PIK3R5: variants seen among roughly 807,000 people sequenced by gnomAD.
PIK3R5 encodes the protein phosphoinositide-3-kinase regulatory subunit 5, also known as phosphoinositide 3-kinase regulatory subunit 5.
Under a neutral mutation model 94.9 loss-of-function variants are expected in PIK3R5, and 32 were observed. The ratio of observed to expected loss-of-function variants is 0.34; its 90% CI spans 0.25 to 0.45. The LOEUF is 0.45. Among genes scored for constraint, PIK3R5 ranks in the 20% least tolerant of loss-of-function variants. The pLI is 1.00. For missense variants in PIK3R5, 853 were observed against 1,144.6 expected (o/e 0.75, Z 3.68); for synonymous variants, 443 against 479.4 (o/e 0.92, Z 0.99).
intron 1 of PIK3R5, among the ~76,000 whole-genome samples, chr17:8,932,517 G>A (rs1264813288): frequency 1.3e-5 from 2 of 152,106 alleles, no homozygotes; most frequent in Admixed American, 1.3e-4. Flanking sequence ...TTACAGGTGT[G>A]AGCCACCGCA....
intron 1 of PIK3R5, among the ~76,000 whole-genome samples, chr17:8,961,478 TA>T (rs2091562904): frequency 6.6e-6 from 1 of 151,896 alleles, no homozygotes; most frequent in Non-Finnish European, 1.5e-5. Flanking sequence ...CTACTAAAAA[TA>T]CAAAAATTAG....
intron 5 of PIK3R5, among the ~76,000 whole-genome samples, chr17:8,900,837 G>C (rs2090265195): frequency 1.3e-5 from 2 of 152,228 alleles, no homozygotes; most frequent in South Asian, 4.1e-4. Flanking sequence ...TCAAGGCATA[G>C]CGTGCATTGA....
At chr17:8,924,161 C>G (rs890521975) in intron 1 of PIK3R5, among the ~76,000 whole-genome samples, 1 of 150,456 alleles carries the variant, frequency 6.6e-6, no homozygotes, top group Non-Finnish European at 1.5e-5. Flanking sequence ...TCACTGCAGC[C>G]TTGACCTCCT....
intron 1 of PIK3R5, among the ~76,000 whole-genome samples, chr17:8,956,350 A>T (rs2091466568): frequency 6.6e-6 from 1 of 151,514 alleles, no homozygotes; most frequent in Admixed American, 6.6e-5. Context: ...CTGAAGAGGG[A>T]CTCATAGTCA....
At chr17:8,936,141 T>C (rs1466203512) in intron 1 of PIK3R5, among the ~76,000 whole-genome samples, 1 of 152,158 alleles carries the variant, frequency 6.6e-6, no homozygotes, top group East Asian at 1.9e-4. Context: ...TATAGAAATA[T>C]TAAAGTACAG....
chr17:8,901,488 G>C (rs1319992938), intron 5 of PIK3R5, among the ~76,000 whole-genome samples: 2 of 152,204 alleles, frequency 1.3e-5, no homozygotes, highest in African/African-American at 2.4e-5. Flanking sequence ...CAGGTAACTG[G>C]TTGGGTAGGA....
chr17:8,957,461 TCTC>T (rs1388560835), intron 1 of PIK3R5, among the ~76,000 whole-genome samples: 4 of 152,208 alleles, frequency 2.6e-5, no homozygotes, highest in Non-Finnish European at 4.4e-5. Flanking sequence ...AGATACTACT[TCTC>T]CTCTGTCTTC....
intron 1 of PIK3R5, among the ~76,000 whole-genome samples, chr17:8,948,042 T>TAA (rs71135932): frequency 6.2e-4 from 39 of 62,766 alleles, no homozygotes; most frequent in African/African-American, 9.9e-4. Flanking sequence ...GACTCCGTCT[T>TAA]AAAAAAAAAA....
chr17:8,963,815 G>A (rs552587688), intron 1 of PIK3R5, among the ~76,000 whole-genome samples: 19 of 152,262 alleles, frequency 1.2e-4, no homozygotes, highest in African/African-American at 4.6e-4. Flanking sequence ...GAGATGAAAG[G>A]AGGGAGGTTC....
intron 4 of PIK3R5, 138 bp downstream of exon 4, chr17:8,905,531 T>A (rs1329465625): frequency 1.8e-6 from 1 of 561,928 alleles, no homozygotes; most frequent in African/African-American, 2.0e-5. Flanking sequence ...CATCTAAGGG[T>A]TGAAACCCAT....
intron 1 of PIK3R5, among the ~76,000 whole-genome samples, chr17:8,947,092 G>A (rs928574231): frequency 4.3e-4 from 3 of 7,040 alleles, no homozygotes; most frequent in East Asian, 3.5e-3. Flanking sequence ...AGAAGCGCAT[G>A]GGATGGGATC....
intron 1 of PIK3R5, among the ~76,000 whole-genome samples, chr17:8,913,008 G>A (rs1463420723): frequency 6.6e-6 from 1 of 152,232 alleles, no homozygotes; most frequent in African/African-American, 2.4e-5. Context: ...CACTAGAGGA[G>A]ACTAGAGGAG....
rs535871044 is a variant in PIK3R5, at chr17:8,885,277, C to G, written c.2129-494G>C. 6.6e-5 allele frequency among the ~76,000 whole-genome samples: 10 copies of G among 151,388 alleles called. 1 individual carries two copies. The East Asian group carries it at 1.9e-3, about 29-fold the overall frequency. On this transcript the variant is annotated intron_variant, in intron 14 of 18. Coordinates refer to ENST00000447110, the MANE Select transcript of PIK3R5 (RefSeq NM_001142633.3). Reference sequence around the variant, plus strand: ...CCGTGCCTCCCCAGGGCCCTGCCTTCCAGGCAACCCCGCCTCCCCATGGCC... The same window carrying G: ...CCGTGCCTCCCCAGGGCCCTGCCTTGCAGGCAACCCCGCCTCCCCATGGCC...
intron 1 of PIK3R5, among the ~76,000 whole-genome samples, chr17:8,956,128 T>G (rs1255753551): frequency 6.6e-6 from 1 of 151,736 alleles, no homozygotes; most frequent in Non-Finnish European, 1.5e-5. Context: ...GCCACTGTAC[T>G]CCAGTCTGGG....
At position 8,884,893 on chromosome 17, in the gene PIK3R5, C is replaced by T; in HGVS notation, c.2129-110G>A. ...ACCTCCCCATCCCCTACCACATGGA[C>T]CGTGACTCCCTAGGGATCTGTCTCA... On this transcript the variant is annotated intron_variant, in intron 14 of 18. Transcript: ENST00000447110. This position sits in a 1 kb window ranked among gnomAD's most constrained non-coding sequence, Gnocchi z 5.8. 1 of 831,850 alleles carries T rather than the reference C, an allele frequency of 1.2e-6. No individual in the cohort carries two copies. The allele number at this position is 831,850 out of a possible 1,614,324, so 51.5% of individuals were successfully genotyped here.
At chr17:8,947,088 G>A (rs1270729025) in intron 1 of PIK3R5, among the ~76,000 whole-genome samples, 5 of 52,636 alleles carry the variant, frequency 9.5e-5, no homozygotes, top group East Asian at 9.0e-4. Context: ...AGAGAGAAGC[G>A]CATGGGATGG....
At chr17:8,891,703 T>A (rs1373227449) in intron 6 of PIK3R5, among the ~76,000 whole-genome samples, 1 of 151,162 alleles carries the variant, frequency 6.6e-6, no homozygotes, top group African/African-American at 2.4e-5. Context: ...TTCACACCAT[T>A]CTCCTGCCTC....
Position 8,935,019 on chromosome 17 carries a change from CCT to C in PIK3R5, c.-13-23514_-13-23513del, listed in dbSNP as rs753908249. Among the ~76,000 whole-genome samples, 3 of 152,128 alleles carry C rather than the reference CCT, an allele frequency of 2.0e-5. No homozygotes were observed. Among genetic ancestry groups the C allele is most frequent in the Admixed American group, 6.6e-5 (1 of 15,264 alleles). ...GCCTGAAACATTTCCACCATGTTCCCCTGTTTCTGATGTGGATCTTAATATGC... is the reference window on the plus strand; with the variant it reads ...GCCTGAAACATTTCCACCATGTTCCCGTTTCTGATGTGGATCTTAATATGC... On this transcript the variant is annotated intron_variant, in intron 1 of 18. Coordinates refer to ENST00000447110, the MANE Select transcript of PIK3R5 (RefSeq NM_001142633.3). The surrounding 1 kb of genome is among the most constrained non-coding windows in gnomAD (Gnocchi z 4.5).
Position 8,882,066 on chromosome 17 carries a change from C to T in PIK3R5, c.2206-185G>A, listed in dbSNP as rs951382569. The stretch of plus-strand genomic sequence containing the variant: ...CTGGATGACTCCAGGGAAGAGCTCA[C>T]GTCACTGGCTTGGTCTAGGGGTCAG... On this transcript the variant is annotated intron_variant, in intron 15 of 18. Coordinates refer to ENST00000447110, the MANE Select transcript of PIK3R5 (RefSeq NM_001142633.3). The surrounding 1 kb of genome is among the most constrained non-coding windows in gnomAD (Gnocchi z 4.1). 26 of 596,748 alleles carry T rather than the reference C, an allele frequency of 4.4e-5. No homozygotes were observed. Among genetic ancestry groups the T allele is most frequent in the Admixed American group, 1.5e-4 (5 of 34,456 alleles). 37.0% of individuals were successfully genotyped at this position (596,748 alleles called of 1,614,324 possible).
Sources: gnomAD v4.1 joint callset for allele counts (sites outside exome capture counted in the v4.1 genomes callset) on GRCh38, gnomAD v4.1.1 for gene constraint, Gnocchi (gnomAD v3.1) non-coding constraint, MANE v1.5 for transcripts, NCBI Gene and HGNC (gene_info 2026-07-23, HGNC 2026-07-21) for gene names.